The following CAMSAP2 variants were observed in gnomAD, a reference collection of about 807,000 sequenced individuals.
CAMSAP2 encodes the protein calmodulin regulated spectrin associated protein family member 2.
A neutral mutation model predicts 146.1 loss-of-function variants in CAMSAP2; 26 were observed. The ratio of observed to expected loss-of-function variants is 0.18; its 90% CI spans 0.13 to 0.25. The LOEUF (loss-of-function observed/expected upper bound fraction) is 0.25, where lower values mean the gene tolerates loss of function less well. Among genes scored for constraint, CAMSAP2 ranks in the 10% least tolerant of loss-of-function variants. The pLI is 1.00. For synonymous variants in CAMSAP2, 499 were observed against 596.6 expected (o/e 0.84, Z 2.38); for missense variants, 1,381 against 1,759.3 (o/e 0.78, Z 3.85).
chr1:200,769,338 A>G (rs996111392), intron 2 of CAMSAP2, among the ~76,000 whole-genome samples: 2 of 152,222 alleles, frequency 1.3e-5, no homozygotes, highest in African/African-American at 4.8e-5. Context: ...TGTAAGACTC[A>G]TACTAAGTTT....
At chr1:200,782,782 CTT>C (rs57995961) in intron 2 of CAMSAP2, among the ~76,000 whole-genome samples, 95 of 72,260 alleles carry the variant, frequency 1.3e-3, no homozygotes, top group African/African-American at 4.9e-3. Flanking sequence ...TCATTTCTCT[CTT>C]TTTTTTTTTT....
At chr1:200,800,136 T>G (rs545682320) in intron 2 of CAMSAP2, among the ~76,000 whole-genome samples, 1 of 152,344 alleles carries the variant, frequency 6.6e-6, no homozygotes, top group Non-Finnish European at 1.5e-5. Context: ...GAGAAGAATG[T>G]GTATTCTGTT....
At chr1:200,788,910 C>T (rs1452690192) in intron 2 of CAMSAP2, among the ~76,000 whole-genome samples, 2 of 151,982 alleles carry the variant, frequency 1.3e-5, no homozygotes, top group South Asian at 2.1e-4. Context: ...CCTCAGCCTC[C>T]CAAAGTGCTG....
At chr1:200,822,154 A>G (rs1447409846) in intron 4 of CAMSAP2, among the ~76,000 whole-genome samples, 2 of 151,510 alleles carry the variant, frequency 1.3e-5, no homozygotes, top group Non-Finnish European at 3.0e-5. Flanking sequence ...ACACACACAC[A>G]CACACACACA....
chr1:200,821,277 G>A (rs967750341), intron 4 of CAMSAP2, among the ~76,000 whole-genome samples: 4 of 151,582 alleles, frequency 2.6e-5, no homozygotes, highest in Admixed American at 6.6e-5. Context: ...TGATCTCCTG[G>A]GCTCAAGCAA....
chr1:200,761,013 A>G lies in CAMSAP2; in HGVS notation c.314A>G (p.Gln105Arg), dbSNP rs948960591. The G allele has an allele frequency of 1.2e-6, 2 of 1,614,196 alleles. No homozygotes were observed. Among genetic ancestry groups the G allele is most frequent in the African/African-American group, 2.7e-5 (2 of 75,048 alleles). Residue 105 changes from glutamine (Q) to arginine (R), a missense_variant, in exon 2 of 17, where the codon CAG becomes CGG. Physicochemically the swap from Gln to Arg is conservative, Grantham distance 43 (BLOSUM62 1). Coordinates refer to ENST00000358823, the MANE Select transcript of CAMSAP2 (RefSeq NM_203459.4). ...KPLLGHDAVI[Q>R]ALAQKGLYVT... ...CTTTTGGGCCATGATGCTGTAATCC[A>G]GGCTTTAGCACAGAAAGGTCTTTAT...
intron 2 of CAMSAP2, among the ~76,000 whole-genome samples, chr1:200,766,296 AC>A: frequency 6.6e-6 from 1 of 151,698 alleles, no homozygotes; most frequent in African/African-American, 2.4e-5. Context: ...GACGTGCACC[AC>A]CCCACCTGGC....
At chr1:200,792,376 A>T (rs1665777868) in intron 2 of CAMSAP2, among the ~76,000 whole-genome samples, 1 of 152,196 alleles carries the variant, frequency 6.6e-6, no homozygotes, top group Non-Finnish European at 1.5e-5. Flanking sequence ...AAAAAAGCCA[A>T]TCCCAGCCGG....
chr1:200,761,578 A>G (rs766597917), intron 2 of CAMSAP2, among the ~76,000 whole-genome samples: 4 of 152,266 alleles, frequency 2.6e-5, no homozygotes, highest in Non-Finnish European at 5.9e-5. Flanking sequence ...TCTACTAAAA[A>G]TGCAAAATTA....
chr1:200,757,463 A>G (rs117480040), intron 1 of CAMSAP2, among the ~76,000 whole-genome samples: 150 of 152,294 alleles, frequency 9.8e-4, no homozygotes, highest in South Asian at 2.5e-3. Context: ...ATCCTTTGCA[A>G]TTCTAGCAGT....
At chr1:200,834,379 TA>T (rs1667121940) in intron 6 of CAMSAP2, among the ~76,000 whole-genome samples, 1 of 152,046 alleles carries the variant, frequency 6.6e-6, no homozygotes, top group South Asian at 2.1e-4. Context: ...AAAAAATCAT[TA>T]TTATCATCAT....
intron 2 of CAMSAP2, among the ~76,000 whole-genome samples, chr1:200,767,281 G>A (rs1664980229): frequency 6.6e-6 from 1 of 151,322 alleles, no homozygotes; most frequent in South Asian, 2.1e-4. Flanking sequence ...AGAATCGCTT[G>A]AACCTGGGAG....
Position 200,849,855 on chromosome 1 carries a change from A to G in CAMSAP2, c.3086A>G (p.Gln1029Arg). The G allele has an allele frequency of 1.9e-6, 3 of 1,614,218 alleles. No homozygotes were observed. Among genetic ancestry groups the G allele is most frequent in the Non-Finnish European group, 2.5e-6 (3 of 1,180,032 alleles). ...FVCFGDDGEP[Q>R]LKESKPKEEV... ...TGTTTTGGGGATGATGGAGAACCTC[A>G]GTTAAAGGAATCCAAACCTAAAGAG... is the stretch of plus-strand genomic sequence containing the variant. Residue 1029 changes from glutamine to arginine, a missense_variant, in exon 11 of 17, where the codon CAG becomes CGG. Transcript: ENST00000358823. This position sits in a 1 kb window ranked among gnomAD's most constrained non-coding sequence, Gnocchi z 6.3.
At chr1:200,824,089 C>A (rs1016463403) in intron 4 of CAMSAP2, among the ~76,000 whole-genome samples, 2 of 152,126 alleles carry the variant, frequency 1.3e-5, no homozygotes, top group Non-Finnish European at 2.9e-5. Context: ...TCTGGCACTA[C>A]AGAATGCTCC....
Position 200,739,879 on chromosome 1 carries a change from G to A in CAMSAP2, c.52G>A (p.Ala18Thr), listed in dbSNP as rs1412179200. The A allele has an allele frequency of 2.5e-6, 4 of 1,614,190 alleles. No homozygotes were observed. The highest frequency in any genetic ancestry group is 3.4e-6 in the Non-Finnish European group (4 of 1,180,034). ...GATGAGAAAGACGTTCATTGTTCCAGCCATCAAGCCTTTTGACCACTATGA... is the reference window on the plus strand; with the variant it reads ...GATGAGAAAGACGTTCATTGTTCCAACCATCAAGCCTTTTGACCACTATGA... ...REMRKTFIVP[A>T]IKPFDHYDFS... Residue 18 changes from alanine to threonine, a missense_variant, in exon 1 of 17, where the codon GCC (alanine) becomes ACC (threonine). Transcript: ENST00000358823. The surrounding 1 kb of genome is among the most constrained non-coding windows in gnomAD (Gnocchi z 4.8).
intron 3 of CAMSAP2, among the ~76,000 whole-genome samples, chr1:200,813,838 T>A (rs1377245456): frequency 6.6e-6 from 1 of 151,830 alleles, no homozygotes; most frequent in African/African-American, 2.4e-5. Context: ...GTGGCTCATG[T>A]CTGTAATCCC....
chr1:200,744,487 G>A (rs1168790277), intron 1 of CAMSAP2, among the ~76,000 whole-genome samples: 1 of 152,194 alleles, frequency 6.6e-6, no homozygotes, highest in South Asian at 2.1e-4. Flanking sequence ...AGAATGGTCT[G>A]ATTCAACAGT....
At position 200,786,610 on chromosome 1, in the gene CAMSAP2, G is replaced by A. The variant is rs1021190658; in HGVS notation, c.400-20766G>A. Among the ~76,000 whole-genome samples the A allele has an allele frequency of 3.9e-5, 6 of 152,206 alleles. No individual in the cohort carries two copies. In the East Asian group the frequency reaches 9.6e-4, roughly 24 times the overall value. On this transcript the variant is annotated intron_variant, in intron 2 of 16. Transcript: ENST00000358823. ...TGTTGGCCAGGCTGGTCTGGAACTC[G>A]ACCTCAGGTGATCCACCAACCTCAG...
chr1:200,794,727 T>C (rs1263354618), intron 2 of CAMSAP2, among the ~76,000 whole-genome samples: 1 of 152,204 alleles, frequency 6.6e-6, no homozygotes. Context: ...CTGAGATCCA[T>C]GTCTATCTGG....
Sources: allele counts gnomAD v4.1 joint callset (sites outside exome capture counted in the v4.1 genomes callset), GRCh38; gene constraint gnomAD v4.1.1; non-coding constraint Gnocchi (gnomAD v3.1); transcripts MANE v1.5; gene names NCBI Gene and HGNC (gene_info 2026-07-23, HGNC 2026-07-21).